NTRK3: variants seen among roughly 807,000 people sequenced by gnomAD.
NTRK3 encodes neurotrophic receptor tyrosine kinase 3, also known as NT-3 growth factor receptor.
NTRK3 carries 24 observed loss-of-function variants against 91.7 expected under a neutral mutation model. The observed-to-expected ratio is 0.26, with a 90% CI of 0.19 to 0.37. The LOEUF (loss-of-function observed/expected upper bound fraction) is 0.37, where lower values mean the gene tolerates loss of function less well. Among genes scored for constraint, NTRK3 ranks in the 10% least tolerant of loss-of-function variants. NTRK3 has a pLI of 1.00. For synonymous variants in NTRK3, 483 were observed against 404.0 expected (o/e 1.20, Z -2.34); for missense variants, 880 against 1,068.9 (o/e 0.82, Z 2.46).
chr15:88,075,447 G>A (rs899986376), intron 13 of NTRK3, among the ~76,000 whole-genome samples: 16 of 152,094 alleles, frequency 1.1e-4, no homozygotes, highest in East Asian at 5.8e-4. Context: ...GCAGCTTAAC[G>A]GTCCTAATAG....
At chr15:88,256,452 G>T (rs1488214014) in exon 2 of NTRK3, 22 of 534,498 alleles carry the variant, frequency 4.1e-5, no homozygotes, top group Non-Finnish European at 7.1e-5. Flanking sequence ...GGGTCCGGGG[G>T]CTCTGGAAGC....
chr15:88,026,492 A>G (rs376081653), intron 14 of NTRK3, among the ~76,000 whole-genome samples: 51 of 152,252 alleles, frequency 3.3e-4, no homozygotes, highest in Middle Eastern at 3.4e-3. Context: ...GTGAGGGGAT[A>G]AACAGATGGA....
At chr15:88,069,562 G>A (rs1472484214) in intron 13 of NTRK3, among the ~76,000 whole-genome samples, 2 of 152,164 alleles carry the variant, frequency 1.3e-5, no homozygotes, top group East Asian at 1.9e-4. Flanking sequence ...GCTTCTTGGA[G>A]AGGAATGCCA....
At chr15:87,972,575 C>T (rs912758577) in intron 14 of NTRK3, among the ~76,000 whole-genome samples, 5 of 152,174 alleles carry the variant, frequency 3.3e-5, no homozygotes, top group Non-Finnish European at 7.3e-5. Flanking sequence ...TTCTTCTTGA[C>T]TTACGCCAAA....
At chr15:88,166,726 G>A (rs781237282) in intron 5 of NTRK3, among the ~76,000 whole-genome samples, 1 of 152,172 alleles carries the variant, frequency 6.6e-6, no homozygotes, top group Non-Finnish European at 1.5e-5. Context: ...ACAACAGAAA[G>A]AACATGAGCT....
At chr15:88,163,778 G>A (rs1597699310) in intron 5 of NTRK3, among the ~76,000 whole-genome samples, 1 of 152,136 alleles carries the variant, frequency 6.6e-6, no homozygotes, top group Non-Finnish European at 1.5e-5. Flanking sequence ...ATTCTGGTCT[G>A]CCCAAACAGT....
At chr15:88,215,965 T>A (rs960739472) in intron 3 of NTRK3, among the ~76,000 whole-genome samples, 9 of 152,178 alleles carry the variant, frequency 5.9e-5, no homozygotes, top group African/African-American at 2.2e-4. Flanking sequence ...TTTGAGAGGG[T>A]CTCTGCTTTT....
chr15:87,887,809 C>T (rs2065636050), intron 17 of NTRK3, among the ~76,000 whole-genome samples: 1 of 152,150 alleles, frequency 6.6e-6, no homozygotes, highest in South Asian at 2.1e-4. Flanking sequence ...GTGCTGGCCA[C>T]AGCATGTTAC....
chr15:88,174,144 C>G (rs894328986), intron 5 of NTRK3, among the ~76,000 whole-genome samples: 1 of 152,166 alleles, frequency 6.6e-6, no homozygotes, highest in African/African-American at 2.4e-5. Flanking sequence ...CTGGTCCTGC[C>G]CCTCAGTGGC....
chr15:87,977,053 A>T (rs1368088693), intron 14 of NTRK3, among the ~76,000 whole-genome samples: 2 of 152,166 alleles, frequency 1.3e-5, no homozygotes, highest in Non-Finnish European at 2.9e-5. Context: ...GTGTCTGTAG[A>T]AGTCAGATTT....
intron 3 of NTRK3, among the ~76,000 whole-genome samples, chr15:88,245,697 TAC>T (rs34043028): frequency 2.6e-5 from 4 of 151,062 alleles, no homozygotes; most frequent in African/African-American, 4.9e-5. Context: ...AAAATAGTTT[TAC>T]ACACACACAC....
intron 3 of NTRK3, among the ~76,000 whole-genome samples, chr15:88,246,377 T>C (rs2052825368): frequency 6.6e-6 from 1 of 152,186 alleles, no homozygotes; most frequent in Non-Finnish European, 1.5e-5. Flanking sequence ...TCATCTCTAG[T>C]CAATGCCAGG....
intron 13 of NTRK3, among the ~76,000 whole-genome samples, chr15:88,056,911 C>A (rs1165640618): frequency 6.6e-6 from 1 of 152,182 alleles, no homozygotes; most frequent in Non-Finnish European, 1.5e-5. Context: ...TGGCTCACGC[C>A]TGTAATCCCA....
intron 16 of NTRK3, among the ~76,000 whole-genome samples, chr15:87,930,278 A>C (rs1040104935): frequency 6.6e-5 from 10 of 152,110 alleles, no homozygotes; most frequent in African/African-American, 2.4e-4. Context: ...TTGCCTGATC[A>C]TATCAGTCAC....
At chr15:87,981,332 C>G in intron 14 of NTRK3, 1 of 1,610,352 alleles carries the variant, frequency 6.2e-7, no homozygotes, top group Non-Finnish European at 8.5e-7. Flanking sequence ...AGTTTAATAT[C>G]CCATGATTGT....
chr15:87,876,875 G>A (rs1419116546), exon 19 of NTRK3: 14 of 1,572,422 alleles, frequency 8.9e-6, no homozygotes. Flanking sequence ...AGGTGGAAGG[G>A]AGATGTGAGG....
intron 13 of NTRK3, among the ~76,000 whole-genome samples, chr15:88,069,183 C>T (rs550360976): frequency 6.6e-6 from 1 of 152,266 alleles, no homozygotes; most frequent in Admixed American, 6.5e-5. Context: ...GACAACCTTG[C>T]AGAAAGAGAT....
intron 14 of NTRK3, among the ~76,000 whole-genome samples, chr15:87,974,037 GC>G (rs1388998959): frequency 4.6e-5 from 7 of 152,178 alleles, no homozygotes; most frequent in Non-Finnish European, 8.8e-5. Context: ...CCGCTCCTGA[GC>G]TTTCCCGCGG....
chr15:87,895,795 T>C (rs893605834), intron 17 of NTRK3, among the ~76,000 whole-genome samples: 3 of 151,202 alleles, frequency 2.0e-5, no homozygotes, highest in Non-Finnish European at 4.4e-5. Context: ...TTTTTCATTT[T>C]ATTTTATTTT....
Sources: allele counts gnomAD v4.1 joint callset (sites outside exome capture counted in the v4.1 genomes callset), GRCh38; gene constraint gnomAD v4.1.1; transcripts MANE v1.5; gene names NCBI Gene and HGNC (gene_info 2026-07-23, HGNC 2026-07-21).